Variants in AATF observed in about 807,000 individuals in gnomAD.
The protein encoded by AATF is protein AATF.
In AATF, 48 loss-of-function variants were observed where a neutral mutation model predicts 63.7. That is an observed-to-expected ratio of 0.75 (90% CI 0.60 to 0.96). The LOEUF is 0.96. AATF is among the 40% of genes least tolerant of loss of function. The probability of loss-of-function intolerance (pLI) is 0.00; values close to 1 mark genes in which losing one functional copy is unlikely to be tolerated. For missense variants in AATF, 639 were observed against 685.7 expected (o/e 0.93, Z 0.76); for synonymous variants, 258 against 247.7 (o/e 1.04, Z -0.39).
intron 8 of AATF, among the ~76,000 whole-genome samples, chr17:36,998,418 A>C (rs1442696564): frequency 6.6e-6 from 1 of 152,118 alleles, no homozygotes; most frequent in Non-Finnish European, 1.5e-5. Flanking sequence ...TCTTGCTCCC[A>C]GTTTGATTTT....
intron 8 of AATF, among the ~76,000 whole-genome samples, chr17:37,004,655 T>C (rs1343649822): frequency 6.6e-6 from 1 of 152,074 alleles, no homozygotes; most frequent in Admixed American, 6.6e-5. Context: ...ATGTGAGTGC[T>C]TCTATGTTAT....
chr17:37,031,353 C>A, intron 10 of AATF: 1 of 483,732 alleles, frequency 2.1e-6, no homozygotes, highest in Non-Finnish European at 3.7e-6. Context: ...AATACTATGC[C>A]ATTTTATATA....
intron 2 of AATF, among the ~76,000 whole-genome samples, chr17:36,952,222 T>A (rs1226690670): frequency 6.6e-6 from 1 of 152,242 alleles, no homozygotes; most frequent in Non-Finnish European, 1.5e-5. Flanking sequence ...CTCCACATGA[T>A]ACCATCCCCC....
At position 36,989,480 on chromosome 17, in the gene AATF, G is replaced by T. The variant is rs773424616; in HGVS notation, c.1314+69G>T. On this transcript the variant is annotated intron_variant, in intron 7 of 11. Transcript: ENST00000619387. ...ATGAGGCTTATTAGCTGAAAAACTT[G>T]TAGCTATTACCTGTTTATATAAGAG... 234 of 1,454,144 alleles carry T rather than the reference G, an allele frequency of 1.6e-4. 1 individual carries two copies. Among genetic ancestry groups the T allele is most frequent in the Admixed American group, 1.2e-3 (59 of 48,434 alleles). The allele number at this position is 1,454,144 out of a possible 1,614,324, so 90.1% of individuals were successfully genotyped here.
chr17:36,974,342 A>G (rs2071063726), intron 4 of AATF, among the ~76,000 whole-genome samples: 1 of 152,196 alleles, frequency 6.6e-6, no homozygotes, highest in Admixed American at 6.5e-5. Flanking sequence ...TTTTAATGAT[A>G]GCATAGAGTT....
intron 8 of AATF, among the ~76,000 whole-genome samples, chr17:36,991,067 T>C (rs1170137383): frequency 6.6e-6 from 1 of 152,258 alleles, no homozygotes; most frequent in Non-Finnish European, 1.5e-5. Context: ...AAAACAGCTA[T>C]AGCTACTTTG....
intron 11 of AATF, among the ~76,000 whole-genome samples, chr17:37,049,505 T>G (rs1371970898): frequency 6.7e-6 from 1 of 150,330 alleles, no homozygotes; most frequent in East Asian, 2.0e-4. Context: ...CTCGGGAAGC[T>G]GAGGCAGGAG....
At chr17:36,962,723 T>A (rs1040080180) in intron 4 of AATF, among the ~76,000 whole-genome samples, 1 of 152,180 alleles carries the variant, frequency 6.6e-6, no homozygotes, top group African/African-American at 2.4e-5. Flanking sequence ...AGGATCACTG[T>A]GTCACTATAT....
At chr17:37,054,513 C>T (rs545889506) in intron 11 of AATF, 6 of 152,292 alleles carry the variant, frequency 3.9e-5, no homozygotes, top group Admixed American at 3.3e-4. Context: ...CACTCAGCTT[C>T]CCAGGTTGCT....
At chr17:37,024,634 C>T (rs1894801442) in intron 10 of AATF, among the ~76,000 whole-genome samples, 1 of 152,088 alleles carries the variant, frequency 6.6e-6, no homozygotes, top group African/African-American at 2.4e-5. Context: ...AGATTTTAGG[C>T]AGAGGAATAT....
At chr17:37,007,339 CA>C (rs1291224615) in intron 8 of AATF, among the ~76,000 whole-genome samples, 3 of 151,392 alleles carry the variant, frequency 2.0e-5, no homozygotes, top group Non-Finnish European at 2.9e-5. Context: ...GGGTGTATGC[CA>C]CCACACCTGG....
intron 8 of AATF, among the ~76,000 whole-genome samples, chr17:37,001,445 AAGGAAGGAAG>A (rs2071296306): frequency 2.2e-5 from 3 of 134,150 alleles, no homozygotes; most frequent in African/African-American, 8.5e-5. Context: ...GGAAGGAAGG[AAGGAAGGAAG>A]AAAAAAAAAA....
chr17:36,954,057 C>A, intron 4 of AATF, 150 bp downstream of exon 4: 3 of 660,774 alleles, frequency 4.5e-6, no homozygotes, highest in Non-Finnish European at 7.2e-6. Flanking sequence ...CCTTGGCTTT[C>A]CAAGTTGCTT....
chr17:36,953,781 C>T lies in AATF; in HGVS notation c.706C>T (p.Gln236Ter), dbSNP rs754497629. Residue 236 changes from glutamine to a stop codon, truncating the protein, a stop_gained, in exon 4 of 12, where the codon CAG (glutamine) becomes TAG (stop). Transcript: ENST00000619387. LOFTEE classifies it high-confidence loss of function. ...TTTCTTCTTTTCAGCACTGTGGGAC[C>T]AGCTCTTGGAAGGAAGGATCAAACT... ...AVKNQIALWD[Q>*]LLEGRIKLQK... 1.9e-6 allele frequency: 3 copies of T among 1,613,798 alleles called. No individual in the cohort carries two copies. The Admixed American group carries it at 5.0e-5, about 27-fold the overall frequency.
chr17:37,026,023 C>T (rs1267803043), intron 10 of AATF, among the ~76,000 whole-genome samples: 3 of 152,146 alleles, frequency 2.0e-5, no homozygotes, highest in African/African-American at 7.2e-5. Context: ...CATATCTATA[C>T]CCCCTGTGTC....
At chr17:36,991,409 A>C (rs1469640395) in intron 8 of AATF, among the ~76,000 whole-genome samples, 1 of 152,174 alleles carries the variant, frequency 6.6e-6, no homozygotes, top group Admixed American at 6.5e-5. Context: ...AGAAGTTGAA[A>C]TATAGTCCAG....
At chr17:37,041,193 T>A (rs944893398) in intron 11 of AATF, among the ~76,000 whole-genome samples, 19 of 152,240 alleles carry the variant, frequency 1.2e-4, no homozygotes, top group African/African-American at 4.3e-4. Context: ...TTTTTTCAGA[T>A]TAACTTATAA....
At chr17:36,970,522 G>GTTTC (rs1312186428) in intron 4 of AATF, among the ~76,000 whole-genome samples, 7 of 144,414 alleles carry the variant, frequency 4.8e-5, no homozygotes, top group African/African-American at 2.0e-4. Context: ...AGAATGGATA[G>GTTTC]TTTCTTTCTT....
At chr17:36,989,808 T>C (rs1321484777) in intron 7 of AATF, among the ~76,000 whole-genome samples, 3 of 152,224 alleles carry the variant, frequency 2.0e-5, no homozygotes, top group Non-Finnish European at 4.4e-5. Flanking sequence ...CAAATTCTTT[T>C]GTTTAAAGGA....
Sources: allele counts gnomAD v4.1 joint callset (sites outside exome capture counted in the v4.1 genomes callset), GRCh38; gene constraint gnomAD v4.1.1; transcripts MANE v1.5; gene names NCBI Gene and HGNC (gene_info 2026-07-23, HGNC 2026-07-21).